Variants in CCNE1 observed in about 807,000 individuals in gnomAD.
CCNE1 encodes G1/S-specific cyclin-E1.
A neutral mutation model predicts 54.1 loss-of-function variants in CCNE1; 8 were observed. The observed-to-expected ratio is 0.15, with a 90% CI of 0.09 to 0.27. CCNE1 has a LOEUF of 0.27. Ranked by LOEUF, CCNE1 falls within the 10% of genes least tolerant of loss-of-function variation. The pLI, the probability that CCNE1 is intolerant of heterozygous loss-of-function variation, is 1.00. For missense variants in CCNE1, 430 were observed against 514.9 expected (o/e 0.84, Z 1.60); for synonymous variants, 179 against 185.2 (o/e 0.97, Z 0.27).
In CCNE1 at chr19:29,822,494, T is replaced by C. The variant is rs1253496863; in HGVS notation, c.1001T>C (p.Phe334Ser). 1.9e-6 allele frequency: 3 copies of C among 1,614,046 alleles called. No individual in the cohort carries two copies. The highest frequency in any genetic ancestry group is 1.7e-6 in the Non-Finnish European group (2 of 1,180,012). The change falls in exon 11 of 12, where the codon TTT becomes TCT. Residue 334 changes from phenylalanine (F) to serine (S), a missense_variant. Physicochemically the swap from Phe to Ser is radical, Grantham distance 155. Around this residue, in one of 2 missense-constraint regions of CCNE1, gnomAD observed 303 missense variants for 401.1 expected, o/e 0.76. Transcript: ENST00000262643. ...IENCVKWMVP[F>S]AMVIRETGSS... Reference sequence around the variant, plus strand: ...AACTGTGTCAAGTGGATGGTTCCATTTGCCATGGTTATAAGGGAGACGGGG... The same window carrying C: ...AACTGTGTCAAGTGGATGGTTCCATCTGCCATGGTTATAAGGGAGACGGGG...
At chr19:29,813,163 GC>G in intron 4 of CCNE1, 126 bp downstream of exon 4, 1 of 793,942 alleles carries the variant, frequency 1.3e-6, no homozygotes, top group Non-Finnish European at 2.1e-6. Context: ...TGCAGCCACA[GC>G]CCATATGGCC....
chr19:29,821,373 G>A lies in CCNE1; in HGVS notation c.610-349G>A, dbSNP rs3218063. Among the ~76,000 whole-genome samples, 673 of 152,132 alleles carry A rather than the reference G, an allele frequency of 4.4e-3. 6 individuals carry two copies. Among genetic ancestry groups the A allele is most frequent in the African/African-American group, 0.015 (641 of 41,520 alleles). ...CTGCACTCCAGCCTGGGCAACAGAG[G>A]GAAATTCTGTCTAAAAGAAAAAAGA... On this transcript the variant is annotated intron_variant, in intron 7 of 11. Transcript: ENST00000262643.
intron 6 of CCNE1, among the ~76,000 whole-genome samples, chr19:29,817,856 G>GTTT (rs1974061290): frequency 8.9e-6 from 1 of 112,160 alleles, no homozygotes; most frequent in African/African-American, 3.5e-5. Flanking sequence ...TCATTAAATT[G>GTTT]CTTTTTTTTT....
intron 6 of CCNE1, among the ~76,000 whole-genome samples, chr19:29,819,891 G>A (rs1974110178): frequency 6.6e-6 from 1 of 152,186 alleles, no homozygotes; most frequent in Non-Finnish European, 1.5e-5. Context: ...TCATCCTCGG[G>A]GGTACATCCC....
chr19:29,824,171 G>T lies in CCNE1; in HGVS notation c.*394G>T. 1 of 261,982 alleles carries T rather than the reference G, an allele frequency of 3.8e-6. No homozygotes were observed. Among genetic ancestry groups the T allele is most frequent in the Non-Finnish European group, 7.3e-6 (1 of 137,008 alleles). The allele number at this position is 261,982 out of a possible 1,614,324, so 16.2% of individuals were successfully genotyped here. ...GAGCAGGTGGTTGCGGGCAAGCGTT[G>T]TGCAGAGCCCATAGCCAGCTGGGCA... On this transcript the variant is annotated 3_prime_UTR_variant, in exon 12 of 12. Coordinates refer to ENST00000262643, the MANE Select transcript of CCNE1 (RefSeq NM_001238.4).
At position 29,812,744 on chromosome 19, in the gene CCNE1, C is replaced by G. The variant is rs776712074; in HGVS notation, c.79C>G (p.Arg27Gly). ...GGACGGCGGCGCGGAGTTCTCGGCTCGCTCCAGGAAGAGGAAGGCAAACGT... is the reference window on the plus strand; with the variant it reads ...GGACGGCGGCGCGGAGTTCTCGGCTGGCTCCAGGAAGAGGAAGGCAAACGT... ...KEDGGAEFSARSRKRKANVTV... is the reference protein window; with the variant it reads ...KEDGGAEFSAGSRKRKANVTV... The change falls in exon 3 of 12, where the codon CGC (arginine) becomes GGC (glycine). Residue 27 changes from arginine to glycine, a missense_variant. Physicochemically the swap from Arg to Gly is moderately radical, Grantham distance 125 (BLOSUM62 -2). Transcript: ENST00000262643. 3 of 1,594,740 alleles carry G rather than the reference C, an allele frequency of 1.9e-6. No homozygotes were observed. The highest frequency in any genetic ancestry group is 1.1e-5 in the South Asian group (1 of 87,492).
intron 6 of CCNE1, among the ~76,000 whole-genome samples, chr19:29,819,746 G>A (rs549085380): frequency 6.6e-6 from 1 of 152,310 alleles, no homozygotes; most frequent in South Asian, 2.1e-4. Flanking sequence ...CTTGATTAAG[G>A]GAAGCTTCCT....
chr19:29,817,115 C>T lies in CCNE1; in HGVS notation c.181-22C>T. The T allele has an allele frequency of 2.5e-6, 4 of 1,612,448 alleles. No homozygotes were observed. The South Asian group carries it at 4.4e-5, about 18-fold the overall frequency. On this transcript the variant is annotated intron_variant, in intron 4 of 11. Coordinates refer to ENST00000262643, the MANE Select transcript of CCNE1 (RefSeq NM_001238.4). ...GCTGTTTGCATCTTATCTCACCTCT[C>T]CTGTGTATTTTTCATTTACAGCCTT...
At chr19:29,818,303 G>A (rs978857041) in intron 6 of CCNE1, among the ~76,000 whole-genome samples, 10 of 152,156 alleles carry the variant, frequency 6.6e-5, no homozygotes, top group African/African-American at 2.4e-4. Flanking sequence ...TGAGATTACA[G>A]GCGTGAGCCA....
chr19:29,823,631 T>G lies in CCNE1; in HGVS notation c.1111-24T>G, dbSNP rs137856585. The G allele has an allele frequency of 2.8e-3, 4,438 of 1,610,192 alleles. 193 individuals are homozygous for G. The Admixed American group carries it at 0.071, about 26-fold the overall frequency. On this transcript the variant is annotated intron_variant, in intron 11 of 11. Coordinates refer to ENST00000262643, the MANE Select transcript of CCNE1 (RefSeq NM_001238.4). Reference sequence around the variant, plus strand: ...AAGGATATGTTCTACTCTAATGTGTTGTCCCTTTTATTCTTACCAACAGGA... The same window carrying G: ...AAGGATATGTTCTACTCTAATGTGTGGTCCCTTTTATTCTTACCAACAGGA...
At chr19:29,816,353 A>G (rs1201276894) in intron 4 of CCNE1, among the ~76,000 whole-genome samples, 4 of 152,212 alleles carry the variant, frequency 2.6e-5, no homozygotes, top group Non-Finnish European at 4.4e-5. Flanking sequence ...TGAAAATTGA[A>G]TACATATCTG....
chr19:29,818,770 T>C (rs1050334484), intron 6 of CCNE1, among the ~76,000 whole-genome samples: 1 of 150,876 alleles, frequency 6.6e-6, no homozygotes, highest in Admixed American at 6.6e-5. Context: ...TGTCTTTTTT[T>C]TTTTTTTTTG....
intron 4 of CCNE1, among the ~76,000 whole-genome samples, chr19:29,813,667 G>T (rs982978851): frequency 2.7e-5 from 4 of 146,648 alleles, no homozygotes; most frequent in African/African-American, 7.4e-5. Context: ...ATGATAGGTG[G>T]TGTCTCAATA....
rs1479441560 is a variant in CCNE1 at position 29,817,371 on chromosome 19, T to C, written c.327-35T>C. 4 of 1,613,840 alleles carry C rather than the reference T, an allele frequency of 2.5e-6. No individual in the cohort carries two copies. In the East Asian group the frequency reaches 8.9e-5, roughly 36 times the overall value. On this transcript the variant is annotated intron_variant, in intron 5 of 11. Coordinates refer to ENST00000262643, the MANE Select transcript of CCNE1 (RefSeq NM_001238.4). The stretch of plus-strand genomic sequence containing the variant: ...TAGCATGGACGCATTCTTACCCCTT[T>C]GTGGGCCTCATTTTTGTTGTGTGTT...
At chr19:29,813,126 C>CAAG in intron 4 of CCNE1, 89 bp downstream of exon 4, 1 of 1,231,552 alleles carries the variant, frequency 8.1e-7, no homozygotes, top group Non-Finnish European at 1.2e-6. Flanking sequence ...TTGCTGGAGA[C>CAAG]ACTCTGGTGA....
At chr19:29,813,465 AACTTT>A in intron 4 of CCNE1, 1 of 159,160 alleles carries the variant, frequency 6.3e-6, no homozygotes, top group Non-Finnish European at 1.4e-5. Flanking sequence ...TATAAGCAAC[AACTTT>A]CCCCCTATCT....
At chr19:29,814,053 C>G (rs140310568) in intron 4 of CCNE1, among the ~76,000 whole-genome samples, 1 of 152,306 alleles carries the variant, frequency 6.6e-6, no homozygotes, top group Non-Finnish European at 1.5e-5. Flanking sequence ...GCAGTTGTCA[C>G]TGCATGTAAG....
chr19:29,813,054 T>A lies in CCNE1; in HGVS notation c.180+17T>A. ...GGGAGCCAGGTAGGTCCGCCCGGGG[T>A]TGGGCCTCTGTGGAGGTCCTTCTCC... On this transcript the variant is annotated intron_variant, in intron 4 of 11. Transcript: ENST00000262643. 6.2e-7 allele frequency: 1 copy of A among 1,613,270 alleles called. No individual in the cohort carries two copies. Among genetic ancestry groups the A allele is most frequent in the Non-Finnish European group, 8.5e-7 (1 of 1,179,344 alleles).
intron 6 of CCNE1, among the ~76,000 whole-genome samples, chr19:29,818,227 C>T (rs1974073016): frequency 6.6e-6 from 1 of 152,156 alleles, no homozygotes; most frequent in African/African-American, 2.4e-5. Context: ...GGGGTTTCAC[C>T]GTGTTAGCCA....
Sources: gnomAD v4.1 joint callset for allele counts (sites outside exome capture counted in the v4.1 genomes callset) on GRCh38, gnomAD v4.1.1 for gene constraint, gnomAD v4.1.1 regional missense constraint, MANE v1.5 for transcripts, NCBI Gene and HGNC (gene_info 2026-07-23, HGNC 2026-07-21) for gene names.